Variants in CPSF1 observed in about 807,000 individuals in gnomAD.
CPSF1 encodes the protein cleavage and polyadenylation specificity factor subunit 1.
Under a neutral mutation model 175.8 loss-of-function variants are expected in CPSF1, and 106 were observed. That is an observed-to-expected ratio of 0.60 (90% CI 0.52 to 0.71). CPSF1 has a LOEUF of 0.71. CPSF1 is among the 30% of genes least tolerant of loss of function. The probability of loss-of-function intolerance (pLI) is 0.00; values close to 1 mark genes in which losing one functional copy is unlikely to be tolerated. For missense variants in CPSF1, 1,734 were observed against 2,022.9 expected, an observed-to-expected ratio of 0.86 and a Z score of 2.74; for synonymous variants, 1,024 against 858.3, an observed-to-expected ratio of 1.19 and a Z score of -3.37.
rs1235140873 is a variant in CPSF1 at position 144,397,065 on chromosome 8, G to T, written c.2593-136C>A. On this transcript the variant is annotated intron_variant, in intron 23 of 37. Coordinates refer to ENST00000616140, the MANE Select transcript of CPSF1 (RefSeq NM_013291.3). ...GCCATGTATGGGAAGGGGCGGGGCT[G>T]TGAGGGAGATGGGGTGGAGCCACGG... 4.3e-6 allele frequency: 4 copies of T among 928,344 alleles called. No homozygotes were observed. In the Admixed American group the frequency reaches 8.9e-5, roughly 21 times the overall value. 57.5% of individuals were successfully genotyped at this position (928,344 alleles called of 1,614,324 possible).
chr8:144,397,907 C>T (rs782196704), intron 20 of CPSF1, 28 bp from the exon 21 acceptor site: 13 of 1,598,248 alleles, frequency 8.1e-6, no homozygotes, highest in East Asian at 6.7e-5. Context: ...GGCTCAGCGG[C>T]GGGCAAGGGG....
chr8:144,400,135 G>GGGGGGGGCCCCCCCCCCCCCCCCC, intron 9 of CPSF1, 31 bp downstream of exon 9: 4 of 896,000 alleles, frequency 4.5e-6, no homozygotes, highest in Non-Finnish European at 6.4e-6. Context: ...CCGTCCCCGG[G>GGGGGGGGCCCCCCCCCCCCCCCCC]CCCCCCCCGC....
In CPSF1 at chr8:144,398,512, C is replaced by A. The variant is rs1265879889; in HGVS notation, c.1752+13G>T. The A allele has an allele frequency of 1.3e-6, 2 of 1,584,792 alleles. No individual in the cohort carries two copies. The highest frequency in any genetic ancestry group is 1.7e-6 in the Non-Finnish European group (2 of 1,167,190). Reference sequence around the variant, plus strand: ...CCAGCCCCAGGTCCCAGGTCCCAGGCCCTGCCCCTCACCATGGTGGAGTCT... The same window carrying A: ...CCAGCCCCAGGTCCCAGGTCCCAGGACCTGCCCCTCACCATGGTGGAGTCT... On this transcript the variant is annotated intron_variant, in intron 18 of 37. Coordinates refer to ENST00000616140, the MANE Select transcript of CPSF1 (RefSeq NM_013291.3).
Position 144,399,908 on chromosome 8 carries a change from T to C in CPSF1, c.1032-40A>G. 7.6e-7 allele frequency: 1 copy of C among 1,313,798 alleles called. No individual in the cohort carries two copies. The allele number at this position is 1,313,798 out of a possible 1,614,324, so 81.4% of individuals were successfully genotyped here. On this transcript the variant is annotated intron_variant, in intron 10 of 37. Transcript: ENST00000616140. This position sits in a 1 kb window ranked among gnomAD's most constrained non-coding sequence, Gnocchi z 6.4. ...AATTCTGAGTCGGGGATGGGGACCCTGGGGGAGTGAAGGGGGCCAGGGGAC... is the reference window on the plus strand; with the variant it reads ...AATTCTGAGTCGGGGATGGGGACCCCGGGGGAGTGAAGGGGGCCAGGGGAC...
At chr8:144,408,035 A>G (rs1417535803) in intron 2 of CPSF1, among the ~76,000 whole-genome samples, 1 of 152,224 alleles carries the variant, frequency 6.6e-6, no homozygotes. Context: ...AGCCCTGGCC[A>G]GCAAATACAT....
chr8:144,398,060 A>G lies in CPSF1; in HGVS notation c.1967T>C (p.Val656Ala), dbSNP rs1820888598. 1 of 1,612,338 alleles carries G rather than the reference A, an allele frequency of 6.2e-7. No homozygotes were observed. Among genetic ancestry groups the G allele is most frequent in the Non-Finnish European group, 8.5e-7 (1 of 1,179,680 alleles). ...GTGGCCCTCGGCACTCATGATGACC[A>G]CATAGGGGTCGGCCACGGCGCACTG... The part of the protein sequence containing the change: ...IVQCAVADPY[V>A]VIMSAEGHVT... The change falls in exon 20 of 38, where the codon GTG becomes GCG. Residue 656 changes from valine to alanine, a missense_variant. Around this residue, in one of 10 missense-constraint regions of CPSF1, gnomAD observed 280 missense variants for 349.2 expected, o/e 0.80. Transcript: ENST00000616140.
chr8:144,407,682 C>G (rs2116909084), intron 2 of CPSF1, among the ~76,000 whole-genome samples: 3 of 151,954 alleles, frequency 2.0e-5, no homozygotes, highest in Non-Finnish European at 4.4e-5. Context: ...CTGAGTGACA[C>G]AGCAAGACTC....
In CPSF1 at chr8:144,399,866, T is replaced by C. The variant is rs1223487921; in HGVS notation, c.1034A>G (p.Tyr345Cys). The C allele has an allele frequency of 4.5e-6, 7 of 1,552,824 alleles. No homozygotes were observed. The highest frequency in any genetic ancestry group is 6.1e-6 in the Non-Finnish European group (7 of 1,149,292). The part of the protein sequence containing the change: ...MVISLKGGEI[Y>C]VLTLITDGMR... ...GCCGTCGGTGATGAGGGTCAGCACG[T>C]AGCTGGGGGCAGGGAGAATTCTGAG... The change falls in exon 11 of 38, where the codon TAC becomes TGC. Residue 345 changes from tyrosine (Y) to cysteine (C), a missense_variant and splice_region_variant. Physicochemically the swap from Tyr to Cys is radical, Grantham distance 194. Around this residue, in one of 10 missense-constraint regions of CPSF1, gnomAD observed 162 missense variants for 169.5 expected, o/e 0.96. Transcript: ENST00000616140. The surrounding 1 kb of genome is among the most constrained non-coding windows in gnomAD (Gnocchi z 6.4).
At chr8:144,398,907 A>C in intron 16 of CPSF1, 39 bp from the exon 17 acceptor site, 1 of 1,609,586 alleles carries the variant, frequency 6.2e-7, no homozygotes, top group Non-Finnish European at 8.5e-7. Context: ...TGGGGGTGTG[A>C]GCCCACCCAG....
At position 144,401,509 on chromosome 8, in the gene CPSF1, C is replaced by G; in HGVS notation, c.227G>C (p.Gly76Ala). 6.2e-7 allele frequency: 1 copy of G among 1,614,030 alleles called. No homozygotes were observed. The highest frequency in any genetic ancestry group is 1.3e-5 in the African/African-American group (1 of 75,044). ...CACGCTGGCCATGGACATGACGTTG[C>G]CAAAGAAGGAGAAGGAGGCAGCAAG... ...LELAASFSFFGNVMSMASVQL... is the reference protein window; with the variant it reads ...LELAASFSFFANVMSMASVQL... The change falls in exon 4 of 38, where the codon GGC becomes GCC. Residue 76 changes from glycine to alanine, a missense_variant. Coordinates refer to ENST00000616140, the MANE Select transcript of CPSF1 (RefSeq NM_013291.3).
In CPSF1 at chr8:144,407,383, TTTATA is replaced by T. The variant is rs113819345; in HGVS notation, c.144+1627_144+1631del. Among the ~76,000 whole-genome samples, 45 of 126,204 alleles carry T rather than the reference TTTATA, an allele frequency of 3.6e-4. No individual in the cohort carries two copies. In the Middle Eastern group the frequency reaches 0.014, roughly 38 times the overall value. The allele number at this position is 126,204 out of a possible 152,430, so 82.8% of individuals were successfully genotyped here. A position where few individuals can be genotyped will look rare whatever the true frequency, so the allele number is the denominator to read the frequency against. ...CACAGGCCACTATGCCCAGCTAACT[TTTATA>T]TTTTATATTTGGGCCAAGCACAGTG... On this transcript the variant is annotated intron_variant, in intron 2 of 37. Coordinates refer to ENST00000616140, the MANE Select transcript of CPSF1 (RefSeq NM_013291.3).
chr8:144,396,508 C>A lies in CPSF1; in HGVS notation c.2827-8G>T. ...GGGGCCGCAGATGAAGACCTGGGGG[C>A]AGGCACCGTGAGGATGCTGTGGATG... On this transcript the variant is annotated splice_region_variant and splice_polypyrimidine_tract_variant and intron_variant, in intron 25 of 37. Coordinates refer to ENST00000616140, the MANE Select transcript of CPSF1 (RefSeq NM_013291.3). 1 of 1,611,428 alleles carries A rather than the reference C, an allele frequency of 6.2e-7. No individual in the cohort carries two copies. Among genetic ancestry groups the A allele is most frequent in the Non-Finnish European group, 8.5e-7 (1 of 1,179,036 alleles).
In CPSF1 at chr8:144,397,623, T is replaced by C. The variant is rs190438003; in HGVS notation, c.2249A>G (p.Asp750Gly). The change falls in exon 22 of 38, where the codon GAT (aspartate) becomes GGT (glycine). Residue 750 changes from aspartate (D) to glycine (G), a missense_variant. By Grantham distance (94) the Asp-to-Gly change is moderately conservative (BLOSUM62 -1). This residue lies in a region of CPSF1 where 585 missense variants were observed against 584.7 expected (regional missense o/e 1.00). Coordinates refer to ENST00000616140, the MANE Select transcript of CPSF1 (RefSeq NM_013291.3). The part of the protein sequence containing the change: ...VDDEEEMLYG[D>G]SGSLFSPSKE... ...GCTGGGGCTGAAGAGGGAGCCCGAA[T>C]CCCCATACAGCATCTCCTCCTCGTC... 4.6e-6 allele frequency: 7 copies of C among 1,533,818 alleles called. No homozygotes were observed. In the Admixed American group the frequency reaches 1.4e-4, roughly 30 times the overall value.
At position 144,399,624 on chromosome 8, in the gene CPSF1, C is replaced by A. The variant is rs2116864751; in HGVS notation, c.1206G>T (p.Glu402Asp). Residue 402 changes from glutamate (E) to aspartate (D), a missense_variant, in exon 12 of 38, where the codon GAG becomes GAT. By Grantham distance (45) the Glu-to-Asp change is conservative. Coordinates refer to ENST00000616140, the MANE Select transcript of CPSF1 (RefSeq NM_013291.3). The surrounding 1 kb of genome is among the most constrained non-coding windows in gnomAD (Gnocchi z 6.4). ...LLLKYTEKLQ[E>D]PPASAVREAA... ...CCTCACGGACAGCACTGGCCGGGGG[C>A]TCCTGCAGCTTCTCCGTGTACTTGA... The A allele has an allele frequency of 6.2e-7, 1 of 1,610,600 alleles. No homozygotes were observed. Among genetic ancestry groups the A allele is most frequent in the Admixed American group, 1.7e-5 (1 of 59,634 alleles).
chr8:144,400,108 G>T, intron 9 of CPSF1, 23 bp from the exon 10 acceptor site: 4 of 1,580,694 alleles, frequency 2.5e-6, no homozygotes, highest in Non-Finnish European at 3.4e-6. Flanking sequence ...TGGTCAGGCC[G>T]ACTAGGCAGG....
chr8:144,394,241 A>T lies in CPSF1; in HGVS notation c.3804T>A (p.Gly1268=). 1 of 1,604,810 alleles carries T rather than the reference A, an allele frequency of 6.2e-7. No individual in the cohort carries two copies. Among genetic ancestry groups the T allele is most frequent in the Non-Finnish European group, 8.5e-7 (1 of 1,175,348 alleles). The stretch of plus-strand genomic sequence containing the variant: ...AGGGCCCTGCCCACATACCCAGAAA[A>T]CCCAGCTGGGCATTGTCCACCATGA... ...VDFMVDNAQL[G]FLVSDRDRNL... is the part of the protein sequence containing the mutation. The change falls in exon 33 of 38, where the codon GGT becomes GGA. Residue 1268 remains glycine (G), a synonymous_variant. Transcript: ENST00000616140.
Position 144,396,922 on chromosome 8 carries a change from A to G in CPSF1, c.2600T>C (p.Val867Ala), listed in dbSNP as rs1820797685. Residue 867 changes from valine (V) to alanine (A), a missense_variant, in exon 24 of 38, where the codon GTG (valine) becomes GCG (alanine). Val to Ala is a moderately conservative substitution (Grantham distance 64). Coordinates refer to ENST00000616140, the MANE Select transcript of CPSF1 (RefSeq NM_013291.3). ...RQSRPYLLVH[V>A]DQELLIYEAF... ...CTCGTAGATAAGCAGCTCTTGGTCCACATGCACCTGGCAGGATGAGGGGAG... is the reference window on the plus strand; with the variant it reads ...CTCGTAGATAAGCAGCTCTTGGTCCGCATGCACCTGGCAGGATGAGGGGAG... 6.2e-7 allele frequency: 1 copy of G among 1,612,272 alleles called. No individual in the cohort carries two copies. Among genetic ancestry groups the G allele is most frequent in the African/African-American group, 1.3e-5 (1 of 74,880 alleles).
At chr8:144,407,340 C>T (rs1291129189) in intron 2 of CPSF1, among the ~76,000 whole-genome samples, 1 of 151,986 alleles carries the variant, frequency 6.6e-6, no homozygotes, top group East Asian at 1.9e-4. Context: ...CCTGGCCTCC[C>T]ATGTAGCTAG....
At chr8:144,400,135 G>GGGGGCCCCCCCCCCCCCCCCC in intron 9 of CPSF1, 31 bp downstream of exon 9, 37 of 895,908 alleles carry the variant, frequency 4.1e-5, no homozygotes, top group Middle Eastern at 3.7e-4. Flanking sequence ...CCGTCCCCGG[G>GGGGGCCCCCCCCCCCCCCCCC]CCCCCCCCGC....
Sources: gnomAD v4.1 joint callset for allele counts (sites outside exome capture counted in the v4.1 genomes callset) on GRCh38, gnomAD v4.1.1 for gene constraint, gnomAD v4.1.1 regional missense constraint, Gnocchi (gnomAD v3.1) non-coding constraint, MANE v1.5 for transcripts, NCBI Gene and HGNC (gene_info 2026-07-23, HGNC 2026-07-21) for gene names.